CDC42: variants seen among roughly 807,000 people sequenced by gnomAD.
CDC42 encodes cell division cycle 42.
CDC42 carries 1 observed loss-of-function variant against 20.8 expected under a neutral mutation model. That is an observed-to-expected ratio of 0.05 (90% confidence interval 0.02 to 0.23). The LOEUF (loss-of-function observed/expected upper bound fraction) is 0.23, where lower values mean the gene tolerates loss of function less well. CDC42 is among the 10% of genes least tolerant of loss of function. The probability of loss-of-function intolerance (pLI) is 1.00; values close to 1 mark genes in which losing one functional copy is unlikely to be tolerated. For synonymous variants in CDC42, 72 were observed against 84.8 expected, an observed-to-expected ratio of 0.85 and a Z score of 0.83; for missense variants, 49 against 227.9, an observed-to-expected ratio of 0.21 and a Z score of 5.05.
intron 1 of CDC42, among the ~76,000 whole-genome samples, chr1:22,062,622 G>A (rs1185527571): frequency 6.6e-6 from 1 of 151,156 alleles, no homozygotes; most frequent in Non-Finnish European, 1.5e-5. Flanking sequence ...GGTGGCTCAT[G>A]CCTGTAATCC....
chr1:22,065,269 A>T (rs530900373), intron 1 of CDC42, among the ~76,000 whole-genome samples: 2 of 152,272 alleles, frequency 1.3e-5, no homozygotes, highest in African/African-American at 2.4e-5. Flanking sequence ...TGATTAGGTT[A>T]TTTCGTCTCT....
intron 1 of CDC42, among the ~76,000 whole-genome samples, chr1:22,067,063 G>T (rs1036493973): frequency 3.9e-5 from 6 of 152,170 alleles, no homozygotes; most frequent in African/African-American, 1.4e-4. Flanking sequence ...GCACGTCTGG[G>T]GAGGTAAGAG....
rs191326602 is a variant in CDC42 at position 22,099,707 on chromosome 1, A to C, written c.*8190A>C. On this transcript the variant is annotated 3_prime_UTR_variant, in exon 6 of 6. Transcript: ENST00000656825. ...AGAATATGACACCTTCTTCCTTTAG[A>C]GGATCTAAAGGTGTAGCTTTAGAGG... Among the ~76,000 whole-genome samples, 109 of 152,258 alleles carry C rather than the reference A, an allele frequency of 7.2e-4. No homozygotes were observed. The highest frequency in any genetic ancestry group is 2.6e-3 in the African/African-American group (106 of 41,550).
rs1303869390 is a variant in CDC42 at position 22,098,233 on chromosome 1, C to G, written c.*6716C>G. The stretch of plus-strand genomic sequence containing the variant: ...TAACAACGTGCCCTTTGGCAGGTAG[C>G]TTCCACTTTTCTGGCCTCATTATCT... On this transcript the variant is annotated 3_prime_UTR_variant, in exon 6 of 6. Coordinates refer to ENST00000656825, the MANE Select transcript of CDC42 (RefSeq NM_001791.4). 6.6e-6 allele frequency among the ~76,000 whole-genome samples: 1 copy of G among 152,094 alleles called. No homozygotes were observed.
chr1:22,100,317 A>G lies in CDC42; in HGVS notation c.*8800A>G, dbSNP rs1246696459. Among the ~76,000 whole-genome samples, 1 of 152,210 alleles carries G rather than the reference A, an allele frequency of 6.6e-6. No homozygotes were observed. Among genetic ancestry groups the G allele is most frequent in the Admixed American group, 6.5e-5 (1 of 15,280 alleles). ...ATTAGTGATTTCACTTGACCTCAGT[A>G]CAACTCTGTAAAAGAGGCAGGGATG... On this transcript the variant is annotated 3_prime_UTR_variant, in exon 6 of 6. Coordinates refer to ENST00000656825, the MANE Select transcript of CDC42 (RefSeq NM_001791.4).
intron 1 of CDC42, 85 bp from the exon 2 acceptor site, chr1:22,078,344 T>C: frequency 1.7e-6 from 1 of 582,106 alleles, no homozygotes; most frequent in South Asian, 2.4e-5. Context: ...CTTTTCTTGC[T>C]CTGAGTGCCT....
intron 1 of CDC42, among the ~76,000 whole-genome samples, chr1:22,053,638 G>C (rs1645263023): frequency 1.3e-5 from 2 of 152,108 alleles, no homozygotes; most frequent in African/African-American, 2.4e-5. Context: ...GGAAGATTAC[G>C]TCATCGCGGT....
intron 1 of CDC42, among the ~76,000 whole-genome samples, chr1:22,072,684 C>A (rs1645505508): frequency 6.6e-6 from 1 of 152,028 alleles, no homozygotes. Flanking sequence ...CCTGAGGCTT[C>A]CTAGCATCCC....
intron 2 of CDC42, among the ~76,000 whole-genome samples, chr1:22,081,101 A>G (rs1249969373): frequency 6.6e-6 from 1 of 152,150 alleles, no homozygotes; most frequent in Admixed American, 6.5e-5. Context: ...CCCAGGAGGC[A>G]GAGGTTGCAG....
Position 22,091,677 on chromosome 1 carries a change from A to G in CDC42, c.*160A>G. On this transcript the variant is annotated 3_prime_UTR_variant, in exon 6 of 6. Transcript: ENST00000656825. ...CTCGTGTGAGACAAGGCCCATAGGT[A>G]TGGCCCCCCCCTTCCCCCTCCCAGT... 1 of 397,908 alleles carries G rather than the reference A, an allele frequency of 2.5e-6. No homozygotes were observed. The allele number at this position is 397,908 out of a possible 1,614,324, so 24.6% of individuals were successfully genotyped here. A position where few individuals can be genotyped will look rare whatever the true frequency, so the allele number is the denominator to read the frequency against.
At chr1:22,053,890 C>T (rs1342025472) in intron 1 of CDC42, among the ~76,000 whole-genome samples, 1 of 152,184 alleles carries the variant, frequency 6.6e-6, no homozygotes, top group Non-Finnish European at 1.5e-5. Flanking sequence ...ACACCGTCCA[C>T]GGCCCCTTGC....
In CDC42 at chr1:22,061,920, A is replaced by G. The variant is rs181484030; in HGVS notation, c.-51+9178A>G. ...TTCATCCTCCCCATCACCCCTATGGAACACCCTTTTTTATTTTATTTATTT... is the reference window on the plus strand; with the variant it reads ...TTCATCCTCCCCATCACCCCTATGGGACACCCTTTTTTATTTTATTTATTT... On this transcript the variant is annotated intron_variant, in intron 1 of 5. Transcript: ENST00000656825. Among the ~76,000 whole-genome samples the G allele has an allele frequency of 7.9e-5, 12 of 151,254 alleles. 1 individual carries two copies. In the East Asian group the frequency reaches 2.4e-3, roughly 30 times the overall value.
chr1:22,078,631 T>C, intron 2 of CDC42, 48 bp downstream of exon 2: 1 of 1,564,824 alleles, frequency 6.4e-7, no homozygotes, highest in Non-Finnish European at 8.7e-7. Context: ...TAAAATTTGA[T>C]ATCCTTTTGA....
intron 5 of CDC42, chr1:22,089,794 T>C: frequency 1.4e-6 from 1 of 726,474 alleles, no homozygotes; most frequent in East Asian, 2.8e-5. Flanking sequence ...CTGGTTATAA[T>C]GGGCTTAAGA....
intron 1 of CDC42, among the ~76,000 whole-genome samples, chr1:22,054,373 G>A (rs1569941906): frequency 6.6e-6 from 1 of 152,058 alleles, no homozygotes; most frequent in East Asian, 1.9e-4. Context: ...GTACCACCAT[G>A]CCCCGCTAAT....
chr1:22,090,318 C>T (rs1645703159), intron 5 of CDC42: 3 of 1,095,478 alleles, frequency 2.7e-6, no homozygotes, highest in Admixed American at 4.7e-5. Context: ...CTTGGTCTGG[C>T]TTTAAGAATG....
At chr1:22,079,519 C>G (rs190582889) in intron 2 of CDC42, among the ~76,000 whole-genome samples, 1 of 151,960 alleles carries the variant, frequency 6.6e-6, no homozygotes, top group East Asian at 1.9e-4. Flanking sequence ...GAGAGAGAGA[C>G]AAGAGTTAGA....
chr1:22,095,194 T>C lies in CDC42; in HGVS notation c.*3677T>C, dbSNP rs991183073. Among the ~76,000 whole-genome samples the C allele has an allele frequency of 1.3e-5, 2 of 152,192 alleles. No homozygotes were observed. Among genetic ancestry groups the C allele is most frequent in the African/African-American group, 2.4e-5 (1 of 41,436 alleles). On this transcript the variant is annotated 3_prime_UTR_variant, in exon 6 of 6. Coordinates refer to ENST00000656825, the MANE Select transcript of CDC42 (RefSeq NM_001791.4). ...CTTGTTTTCTGTAAGTCTTACTCTG[T>C]ATCTACCCGACTTCAGATCATGGTG...
intron 1 of CDC42, among the ~76,000 whole-genome samples, chr1:22,076,729 T>C (rs979509028): frequency 1.3e-5 from 2 of 152,216 alleles, no homozygotes; most frequent in African/African-American, 4.8e-5. Flanking sequence ...AGTAATTGAT[T>C]GATCTTAGGG....
Sources: allele counts gnomAD v4.1 joint callset (sites outside exome capture counted in the v4.1 genomes callset), GRCh38; gene constraint gnomAD v4.1.1; transcripts MANE v1.5; gene names NCBI Gene and HGNC (gene_info 2026-07-23, HGNC 2026-07-21).